The following CD4 variants were observed in gnomAD, a reference collection of about 807,000 sequenced individuals.
The protein encoded by CD4 is CD4 molecule, also known as T-cell surface glycoprotein CD4.
CD4 carries 25 observed loss-of-function variants against 50.5 expected under a neutral mutation model. The observed-to-expected ratio is 0.49, with a 90% CI of 0.36 to 0.69. The LOEUF is 0.69. Ranked by LOEUF, CD4 falls within the 30% of genes least tolerant of loss-of-function variation. The probability of loss-of-function intolerance (pLI) is 0.00; values close to 1 mark genes in which losing one functional copy is unlikely to be tolerated. For missense variants in CD4, 456 were observed against 548.5 expected (o/e 0.83, Z 1.68); for synonymous variants, 207 against 221.9 (o/e 0.93, Z 0.60).
chr12:6,815,977 T>A (rs781970558), intron 5 of CD4, 79 bp from the exon 6 acceptor site: 1 of 1,588,560 alleles, frequency 6.3e-7, no homozygotes, highest in Non-Finnish European at 8.6e-7. Flanking sequence ...ATCTCCCTGC[T>A]GCCTCCACAT....
chr12:6,797,683 A>G (rs1301794265), intron 1 of CD4, among the ~76,000 whole-genome samples: 6 of 152,340 alleles, frequency 3.9e-5, no homozygotes, highest in Admixed American at 1.3e-4. Flanking sequence ...ACTCTGTGTC[A>G]TAAATAAGTT....
chr12:6,790,183 T>C (rs537143556), intron 1 of CD4, among the ~76,000 whole-genome samples: 2 of 133,030 alleles, frequency 1.5e-5, no homozygotes, highest in Non-Finnish European at 3.2e-5. Flanking sequence ...GAATCTAGTC[T>C]AGAGAAAATT....
At chr12:6,803,570 G>T (rs1052424861) in intron 3 of CD4, among the ~76,000 whole-genome samples, 12 of 150,502 alleles carry the variant, frequency 8.0e-5, no homozygotes, top group East Asian at 5.9e-4. Context: ...GGATCACGAG[G>T]TCAGGAGATC....
chr12:6,819,827 C>CCA lies in CD4; in HGVS notation c.*499_*500insAC, dbSNP rs139621602. ...GCCAGTACCTCCTGCCCCATGCTGC[C>CCA]CGCTTCTCACCCTATGTGGGTGGGA... On this transcript the variant is annotated 3_prime_UTR_variant, in exon 10 of 10. Transcript: ENST00000011653. 0.011 allele frequency: 1,834 copies of CCA among 164,366 alleles called. 33 individuals are homozygous for CCA. Among genetic ancestry groups the CCA allele is most frequent in the African/African-American group, 0.041 (1,706 of 41,730 alleles). The allele number at this position is 164,366 out of a possible 1,614,324, so 10.2% of individuals were successfully genotyped here.
chr12:6,800,541 T>A, intron 3 of CD4, 70 bp downstream of exon 3: 1 of 1,384,958 alleles, frequency 7.2e-7, no homozygotes, highest in East Asian at 2.3e-5. Context: ...GTGTCTGAGA[T>A]CTGGTCTTAG....
intron 3 of CD4, among the ~76,000 whole-genome samples, chr12:6,802,641 A>G (rs1555115531): frequency 6.6e-6 from 1 of 152,038 alleles, no homozygotes; most frequent in Non-Finnish European, 1.5e-5. Flanking sequence ...CGTGGAGAAT[A>G]TTATATACAT....
intron 3 of CD4, among the ~76,000 whole-genome samples, chr12:6,807,971 T>A (rs1942815594): frequency 6.7e-6 from 1 of 149,494 alleles, no homozygotes; most frequent in Non-Finnish European, 1.5e-5. Context: ...TCCCAGCTAC[T>A]CGGGAGGCTG....
At chr12:6,810,153 G>C (rs11575097) in intron 3 of CD4, among the ~76,000 whole-genome samples, 15,002 of 149,892 alleles carry the variant, frequency 0.1, 1,300 homozygotes, top group African/African-American at 0.23. Context: ...GCCTCCCAGA[G>C]TGCTGGGATT....
chr12:6,814,444 T>C, intron 4 of CD4, 144 bp downstream of exon 4: 1 of 825,724 alleles, frequency 1.2e-6, no homozygotes, highest in African/African-American at 1.7e-5. Context: ...TCCAAATGTC[T>C]TAAAACCCTT....
chr12:6,812,771 T>TG (rs1555117197), intron 3 of CD4, among the ~76,000 whole-genome samples: 1,198 of 57,592 alleles, frequency 0.021, 10 homozygotes, highest in East Asian at 0.052. Context: ...AAGGTTATTT[T>TG]TGTGTGTGTG....
intron 3 of CD4, among the ~76,000 whole-genome samples, chr12:6,802,657 C>T (rs1324548608): frequency 2.3e-4 from 35 of 152,076 alleles, no homozygotes; most frequent in Admixed American, 1.7e-3. Flanking sequence ...TACATAATTA[C>T]GTAAATGATA....
Position 6,818,591 on chromosome 12 carries a change from C to G in CD4, c.1278+49C>G, listed in dbSNP as rs781889048. Reference sequence around the variant, plus strand: ...CCACAAGGCCCTCAAACCCCTGAGTCCTCTACCAGGAGATCCTGTATATGG... The same window carrying G: ...CCACAAGGCCCTCAAACCCCTGAGTGCTCTACCAGGAGATCCTGTATATGG... On this transcript the variant is annotated intron_variant, in intron 8 of 9. Coordinates refer to ENST00000011653, the MANE Select transcript of CD4 (RefSeq NM_000616.5). This position sits in a 1 kb window ranked among gnomAD's most constrained non-coding sequence, Gnocchi z 5.0. 7 of 1,608,022 alleles carry G rather than the reference C, an allele frequency of 4.4e-6. No individual in the cohort carries two copies. The highest frequency in any genetic ancestry group is 4.2e-6 in the Non-Finnish European group (5 of 1,177,508).
At chr12:6,798,048 G>A (rs1358584708) in intron 1 of CD4, among the ~76,000 whole-genome samples, 1 of 152,098 alleles carries the variant, frequency 6.6e-6, no homozygotes. Context: ...GGGAAACCTG[G>A]ACAATACCTA....
At position 6,819,533 on chromosome 12, in the gene CD4, C is replaced by T. The variant is rs118185785; in HGVS notation, c.*204C>T. On this transcript the variant is annotated 3_prime_UTR_variant, in exon 10 of 10. Transcript: ENST00000011653. ...CTAGTTTCCAGAGGCTTAATCACAC[C>T]GTCCTCCACGCCATTTCCTTTTCCT... 3 of 600,992 alleles carry T rather than the reference C, an allele frequency of 5.0e-6. No homozygotes were observed. Among genetic ancestry groups the T allele is most frequent in the East Asian group, 2.8e-5 (1 of 35,770 alleles). 37.2% of individuals were successfully genotyped at this position (600,992 alleles called of 1,614,324 possible). A position where few individuals can be genotyped will look rare whatever the true frequency, so the allele number is the denominator to read the frequency against.
At chr12:6,797,119 C>T (rs927061653) in intron 1 of CD4, among the ~76,000 whole-genome samples, 23 of 152,294 alleles carry the variant, frequency 1.5e-4, no homozygotes, top group Non-Finnish European at 2.9e-4. Flanking sequence ...GGCCGAGGAT[C>T]TGCATTTCTA....
intron 3 of CD4, among the ~76,000 whole-genome samples, chr12:6,812,771 TTGTGTG>T (rs782347075): frequency 1.9e-4 from 11 of 57,558 alleles, no homozygotes; most frequent in Non-Finnish European, 4.0e-4. Flanking sequence ...AAGGTTATTT[TTGTGTG>T]TGTGTGTGTG....
rs782819098 is a variant in CD4 at position 6,818,479 on chromosome 12, C to T, written c.1215C>T (p.Val405=). ...TGGCCCTGATTGTGCTGGGGGGCGT[C>T]GCCGGCCTCCTGCTTTTCATTGGGC... ...QPMALIVLGG[V]AGLLLFIGLG... The change falls in exon 8 of 10, where the codon GTC becomes GTT. Residue 405 remains valine, a synonymous_variant. Transcript: ENST00000011653. This position sits in a 1 kb window ranked among gnomAD's most constrained non-coding sequence, Gnocchi z 5.0. The T allele has an allele frequency of 6.8e-6, 11 of 1,612,854 alleles. No individual in the cohort carries two copies. The African/African-American group carries it at 8.0e-5, about 12-fold the overall frequency.
Position 6,819,062 on chromosome 12 carries a change from G to A in CD4, c.1346+148G>A, listed in dbSNP as rs1943200269. Reference sequence around the variant, plus strand: ...AGGAGGAAGAGCTGGGAGGGGTGGAGGTGAGGAGATGGGGGCTAAAGGGGT... The same window carrying A: ...AGGAGGAAGAGCTGGGAGGGGTGGAAGTGAGGAGATGGGGGCTAAAGGGGT... On this transcript the variant is annotated intron_variant, in intron 9 of 9. Coordinates refer to ENST00000011653, the MANE Select transcript of CD4 (RefSeq NM_000616.5). The A allele has an allele frequency of 7.0e-6, 5 of 716,564 alleles. No individual in the cohort carries two copies. In the South Asian group the frequency reaches 8.3e-5, roughly 12 times the overall value. 44.4% of individuals were successfully genotyped at this position (716,564 alleles called of 1,614,324 possible). A position where few individuals can be genotyped will look rare whatever the true frequency, so the allele number is the denominator to read the frequency against.
Position 6,808,900 on chromosome 12 carries a change from G to T in CD4, c.215-5242G>T, listed in dbSNP as rs76026287. Reference sequence around the variant, plus strand: ...AGTATTATTTAAAACTTTTGGGGGGGGCAATTTTATAATTGAAAAATATAT... The same window carrying T: ...AGTATTATTTAAAACTTTTGGGGGGTGCAATTTTATAATTGAAAAATATAT... On this transcript the variant is annotated intron_variant, in intron 3 of 9. Transcript: ENST00000011653. Among the ~76,000 whole-genome samples, 1,369 of 152,058 alleles carry T rather than the reference G, an allele frequency of 9.0e-3. 17 individuals carry two copies. Among genetic ancestry groups the T allele is most frequent in the African/African-American group, 0.031 (1,291 of 41,456 alleles).
Sources: gnomAD v4.1 joint callset for allele counts (sites outside exome capture counted in the v4.1 genomes callset) on GRCh38, gnomAD v4.1.1 for gene constraint, Gnocchi (gnomAD v3.1) non-coding constraint, MANE v1.5 for transcripts, NCBI Gene and HGNC (gene_info 2026-07-23, HGNC 2026-07-21) for gene names.